MMEL1: variants seen among roughly 807,000 people sequenced by gnomAD.
The protein encoded by MMEL1 is membrane metalloendopeptidase like 1.
In MMEL1, 98 loss-of-function variants were observed where a neutral mutation model predicts 117.1. That is an observed-to-expected ratio of 0.84 (90% CI 0.71 to 0.99). MMEL1 has a LOEUF of 0.99. Ranked by LOEUF, MMEL1 falls within the 50% of genes least tolerant of loss-of-function variation. The pLI is 0.00. For missense variants in MMEL1, 1,014 were observed against 1,049.1 expected (o/e 0.97, Z 0.46); for synonymous variants, 390 against 415.1 (o/e 0.94, Z 0.74).
rs746270975 is a variant in MMEL1, at chr1:2,609,838, G to A, written c.293-7C>T. ...TTCTGGAGGATCCTGGCAGCTGCTC[G>A]TCCCCATGGCGTGGAGCAGGGAGAG... On this transcript the variant is annotated splice_region_variant and splice_polypyrimidine_tract_variant and intron_variant, in intron 4 of 23. Transcript: ENST00000378412. 129 of 1,599,682 alleles carry A rather than the reference G, an allele frequency of 8.1e-5. 1 individual carries two copies. The South Asian group carries it at 1.2e-3, about 15-fold the overall frequency.
chr1:2,592,921 T>G lies in MMEL1; in HGVS notation c.1913A>C (p.Asn638Thr), dbSNP rs373572981. 129 of 1,613,520 alleles carry G rather than the reference T, an allele frequency of 8.0e-5. No homozygotes were observed. The highest frequency in any genetic ancestry group is 1.1e-4 in the Non-Finnish European group (124 of 1,179,892). ...KNGNMMDWWS[N>T]FSTQHFREQS... ...CTCCCGGAAGTGCTGGGTGGAGAAGTTACTCCACCAATCCATCATGTTGCC... is the reference window on the plus strand; with the variant it reads ...CTCCCGGAAGTGCTGGGTGGAGAAGGTACTCCACCAATCCATCATGTTGCC... Residue 638 changes from asparagine to threonine, a missense_variant, in exon 20 of 24, where the codon AAC becomes ACC. Transcript: ENST00000378412.
chr1:2,609,034 T>TACACACACACACACACACAC (rs70956312), intron 6 of MMEL1, among the ~76,000 whole-genome samples: 2 of 144,670 alleles, frequency 1.4e-5, no homozygotes, highest in African/African-American at 2.5e-5. Context: ...ATCCATATAA[T>TACACACACACACACACACAC]ACACACACAC....
Position 2,629,468 on chromosome 1 carries a change from C to T in MMEL1, c.17G>A (p.Gly6Asp). ...GGCGCTCTCCACCATCCCCACTGGG[C>T]CTTCGGACTTCCCCATCAGCAGGGC... MGKSEGPVGMVESAGR... is the reference protein window; with the variant it reads MGKSEDPVGMVESAGR... Residue 6 changes from glycine to aspartate, a missense_variant, in exon 2 of 24, where the codon GGC (glycine) becomes GAC (aspartate). Physicochemically the swap from Gly to Asp is moderately conservative, Grantham distance 94. Transcript: ENST00000378412. The T allele has an allele frequency of 6.6e-7, 1 of 1,522,644 alleles. No homozygotes were observed. Among genetic ancestry groups the T allele is most frequent in the Non-Finnish European group, 8.8e-7 (1 of 1,133,676 alleles). The allele number at this position is 1,522,644 out of a possible 1,614,324, so 94.3% of individuals were successfully genotyped here.
chr1:2,611,368 G>A (rs747545854), intron 3 of MMEL1, 28 bp from the exon 4 acceptor site: 8 of 1,485,068 alleles, frequency 5.4e-6, no homozygotes, highest in South Asian at 4.0e-5. Context: ...CCTGAGCACC[G>A]GGAGCCACGG....
intron 11 of MMEL1, among the ~76,000 whole-genome samples, chr1:2,603,170 G>C (rs1434039513): frequency 1.3e-5 from 2 of 152,216 alleles, no homozygotes; most frequent in Non-Finnish European, 2.9e-5. Flanking sequence ...CTTGGCAAGA[G>C]CTGTGGCTCC....
chr1:2,596,450 A>T, intron 14 of MMEL1, 111 bp downstream of exon 14: 2 of 1,440,592 alleles, frequency 1.4e-6, no homozygotes, highest in Admixed American at 4.0e-5. Flanking sequence ...CTGTCTGGTG[A>T]GCTGGGGCAG....
intron 13 of MMEL1, among the ~76,000 whole-genome samples, chr1:2,597,760 A>C (rs983442629): frequency 5.9e-5 from 9 of 152,176 alleles, no homozygotes; most frequent in Non-Finnish European, 1.3e-4. Flanking sequence ...GACAGGGAGT[A>C]CAATCCAAAC....
chr1:2,618,693 G>C (rs1169991097), intron 2 of MMEL1, among the ~76,000 whole-genome samples: 3 of 152,152 alleles, frequency 2.0e-5, no homozygotes, highest in Non-Finnish European at 4.4e-5. Context: ...AGTGTCCTAA[G>C]GTGCCTGATG....
chr1:2,621,149 G>T (rs1645283589), intron 2 of MMEL1, among the ~76,000 whole-genome samples: 1 of 152,158 alleles, frequency 6.6e-6, no homozygotes, highest in African/African-American at 2.4e-5. Flanking sequence ...GCCAGGTGTG[G>T]TGGCATGTGC....
chr1:2,612,178 G>C lies in MMEL1; in HGVS notation c.181C>G (p.Arg61Gly). ...CTCTCCTCCTGTAAGAAGCACAGCC[G>C]GCTAGCAAGGCGTGGCAGCTGCTTC... ...RGKQLPRLAS[R>G]LCFLQEERTF... The change falls in exon 3 of 24, where the codon CGG becomes GGG. Residue 61 changes from arginine to glycine, a missense_variant. By Grantham distance (125) the Arg-to-Gly change is moderately radical. Transcript: ENST00000378412. This position sits in a 1 kb window ranked among gnomAD's most constrained non-coding sequence, Gnocchi z 5.4. 2 of 1,577,776 alleles carry C rather than the reference G, an allele frequency of 1.3e-6. No individual in the cohort carries two copies. The highest frequency in any genetic ancestry group is 2.3e-5 in the South Asian group (2 of 86,480).
At position 2,611,328 on chromosome 1, in the gene MMEL1, G is replaced by C. The variant is rs1645124483; in HGVS notation, c.245C>G (p.Ala82Gly). The change falls in exon 4 of 24, where the codon GCC becomes GGC. Residue 82 changes from alanine (A) to glycine (G), a missense_variant. Physicochemically the swap from Ala to Gly is moderately conservative, Grantham distance 60. Coordinates refer to ENST00000378412, the MANE Select transcript of MMEL1 (RefSeq NM_033467.4). ...GGTGCAGACCTCGCTCACCTCTTGG[G>C]CCTCTGGGATCCCTGCGGGCAAGGA... ...VKRKPRGIPE[A>G]QEVSEVCTTP... 9 of 1,550,528 alleles carry C rather than the reference G, an allele frequency of 5.8e-6. No individual in the cohort carries two copies. Among genetic ancestry groups the C allele is most frequent in the Non-Finnish European group, 7.8e-6 (9 of 1,149,436 alleles).
In MMEL1 at chr1:2,593,801, G is replaced by A. The variant is rs372203501; in HGVS notation, c.1867+13C>T. On this transcript the variant is annotated intron_variant, in intron 19 of 23. Coordinates refer to ENST00000378412, the MANE Select transcript of MMEL1 (RefSeq NM_033467.4). ...AGGGGAGGGCGTGTGTGATTGGAGG[G>A]GCGGCCGCTCACCATTGTCGTCAAA... The A allele has an allele frequency of 4.4e-6, 7 of 1,591,588 alleles. No individual in the cohort carries two copies. The highest frequency in any genetic ancestry group is 6.0e-6 in the Non-Finnish European group (7 of 1,166,676).
intron 2 of MMEL1, among the ~76,000 whole-genome samples, chr1:2,614,184 T>A (rs1319462323): frequency 6.6e-6 from 1 of 152,232 alleles, no homozygotes; most frequent in Non-Finnish European, 1.5e-5. Flanking sequence ...TAAAAAATTA[T>A]TTAGACTGTC....
intron 19 of MMEL1, 41 bp from the exon 20 acceptor site, chr1:2,593,007 T>C (rs1245087749): frequency 8.7e-6 from 14 of 1,605,546 alleles, no homozygotes; most frequent in Non-Finnish European, 1.1e-5. Context: ...TGCCCCTGGC[T>C]GCACTGTGCC....
At chr1:2,597,636 G>A (rs933595126) in intron 13 of MMEL1, among the ~76,000 whole-genome samples, 2 of 152,074 alleles carry the variant, frequency 1.3e-5, no homozygotes, top group African/African-American at 4.8e-5. Context: ...ATCCCCCTAG[G>A]GCCTCCCTGC....
In MMEL1 at chr1:2,616,342, C is replaced by CAAAAAA. The variant is rs60641053; in HGVS notation, c.155-4144_155-4139dup. On this transcript the variant is annotated intron_variant, in intron 2 of 23. Transcript: ENST00000378412. ...TGGGCAACAGAGTGAGACCCTAGCT[C>CAAAAAA]AAAAAAAAAAAAAAAAAAGCAGACA... Among the ~76,000 whole-genome samples, 25 of 89,226 alleles carry CAAAAAA rather than the reference C, an allele frequency of 2.8e-4. 1 individual carries two copies. Among genetic ancestry groups the CAAAAAA allele is most frequent in the African/African-American group, 1.1e-3 (25 of 22,440 alleles). 58.5% of individuals were successfully genotyped at this position (89,226 alleles called of 152,430 possible). A position where few individuals can be genotyped will look rare whatever the true frequency, so the allele number is the denominator to read the frequency against.
intron 5 of MMEL1, 80 bp from the exon 6 acceptor site, chr1:2,609,499 T>G (rs1388739503): frequency 2.6e-6 from 4 of 1,533,516 alleles, no homozygotes; most frequent in Non-Finnish European, 3.6e-6. Flanking sequence ...CCCCCTGAAG[T>G]GCTCGGCGAG....
At chr1:2,591,862 C>A in intron 22 of MMEL1, 70 bp downstream of exon 22, 1 of 1,474,342 alleles carries the variant, frequency 6.8e-7, no homozygotes, top group Non-Finnish European at 9.5e-7. Context: ...CCTGGAGGTG[C>A]CCCAGAGTGG....
chr1:2,606,417 C>T, intron 7 of MMEL1, 51 bp from the exon 8 acceptor site: 3 of 1,439,092 alleles, frequency 2.1e-6, no homozygotes, highest in Non-Finnish European at 2.9e-6. Context: ...GGGGCCCCAG[C>T]CCGGCCCCTT....
Sources: gnomAD v4.1 joint callset for allele counts (sites outside exome capture counted in the v4.1 genomes callset) on GRCh38, gnomAD v4.1.1 for gene constraint, Gnocchi (gnomAD v3.1) non-coding constraint, MANE v1.5 for transcripts, NCBI Gene and HGNC (gene_info 2026-07-23, HGNC 2026-07-21) for gene names.